Variants in MYL3 observed in about 807,000 individuals in gnomAD.
MYL3 encodes the protein CMLC1.
A neutral mutation model predicts 21.3 loss-of-function variants in MYL3; 11 were observed. That is an observed-to-expected ratio of 0.52 (90% CI 0.32 to 0.85). The LOEUF is 0.85. Among genes scored for constraint, MYL3 ranks in the 40% least tolerant of loss-of-function variants. MYL3 has a pLI of 0.03. For missense variants in MYL3, 206 were observed against 253.3 expected (o/e 0.81, Z 1.27); for synonymous variants, 88 against 91.6 (o/e 0.96, Z 0.22).
At chr3:46,877,018 C>G (rs927146073) in intron 1 of MYL3, among the ~76,000 whole-genome samples, 1 of 152,156 alleles carries the variant, frequency 6.6e-6, no homozygotes, top group Non-Finnish European at 1.5e-5. Flanking sequence ...CCACAGCCCC[C>G]TGCCTTTGAG....
rs1471975823 is a variant in MYL3, at chr3:46,882,101, C to G, written c.-245G>C. On this transcript the variant is annotated 5_prime_UTR_variant, in exon 1 of 4. Coordinates refer to the MYL3 transcript ENST00000431168. The surrounding 1 kb of genome is among the most constrained non-coding windows in gnomAD (Gnocchi z 4.3). The stretch of plus-strand genomic sequence containing the variant: ...CCCGCCGCCGTAAGACTCCGGGCCT[C>G]GGCCTCTAGCGCAATGTCCCGGGGC... The G allele has an allele frequency of 6.6e-6, 1 of 151,742 alleles. No homozygotes were observed. The highest frequency in any genetic ancestry group is 2.4e-5 in the African/African-American group (1 of 41,304). 9.4% of individuals were successfully genotyped at this position (151,742 alleles called of 1,614,324 possible).
upstream of MYL3, chr3:46,863,539 G>T: frequency 1.2e-6 from 1 of 839,388 alleles, no homozygotes; most frequent in Non-Finnish European, 1.8e-6. Context: ...GGCCATAAAA[G>T]GATATGGCTA....
At position 46,860,970 on chromosome 3, in the gene MYL3, C is replaced by T. The variant is rs1004231349; in HGVS notation, c.147G>A (p.Glu49=). Residue 49 remains glutamate (E), a synonymous_variant, in exon 2 of 7, where the codon GAG becomes GAA. Coordinates refer to ENST00000292327, the MANE Select transcript of MYL3 (RefSeq NM_000258.3). The surrounding 1 kb of genome is among the most constrained non-coding windows in gnomAD (Gnocchi z 4.6). The part of the protein sequence containing the change: ...ASKIKIEFTP[E]QIEEFKEAFM... ...AAGACCCCTGCTCACCTTCAATCTGCTCAGGTGTGAACTCAATCTGAAAAG... is the reference window on the plus strand; with the variant it reads ...AAGACCCCTGCTCACCTTCAATCTGTTCAGGTGTGAACTCAATCTGAAAAG... The T allele has an allele frequency of 6.2e-7, 1 of 1,614,086 alleles. No individual in the cohort carries two copies. Among genetic ancestry groups the T allele is most frequent in the Non-Finnish European group, 8.5e-7 (1 of 1,180,002 alleles).
rs1392927338 is a variant in MYL3, at chr3:46,882,160, C to G, written c.-304G>C. The G allele has an allele frequency of 6.6e-6, 1 of 151,132 alleles. No homozygotes were observed. Among genetic ancestry groups the G allele is most frequent in the Non-Finnish European group, 1.5e-5 (1 of 67,602 alleles). The allele number at this position is 151,132 out of a possible 1,614,324, so 9.4% of individuals were successfully genotyped here. On this transcript the variant is annotated 5_prime_UTR_variant, in exon 1 of 4. Transcript: ENST00000431168. This position sits in a 1 kb window ranked among gnomAD's most constrained non-coding sequence, Gnocchi z 4.3. ...GAAGGCTCCTCTCGGCCTCTCCACA[C>G]TCCCGCGTCGGCGGCTGCGGAGGGG...
rs1191018829 is a variant in MYL3, at chr3:46,874,711, G to T, written c.-218+7363C>A. On this transcript the variant is annotated intron_variant, in intron 1 of 3. Transcript: ENST00000431168. This position sits in a 1 kb window ranked among gnomAD's most constrained non-coding sequence, Gnocchi z 4.1. ...ACGTGTCAAACACGCCTGGGAGGGGGTATTCCGAGGCACAGACCCCCCCCC... is the reference window on the plus strand; with the variant it reads ...ACGTGTCAAACACGCCTGGGAGGGGTTATTCCGAGGCACAGACCCCCCCCC... Among the ~76,000 whole-genome samples, 1 of 152,114 alleles carries T rather than the reference G, an allele frequency of 6.6e-6. No homozygotes were observed. The highest frequency in any genetic ancestry group is 1.5e-5 in the Non-Finnish European group (1 of 68,028).
At chr3:46,872,087 G>A (rs2029952844) in intron 1 of MYL3, among the ~76,000 whole-genome samples, 1 of 152,204 alleles carries the variant, frequency 6.6e-6, no homozygotes, top group South Asian at 2.1e-4. Context: ...GGGCTCAGCA[G>A]GTGCACGGTC....
In MYL3 at chr3:46,879,243, C is replaced by T. The variant is rs1163298898; in HGVS notation, c.-218+2831G>A. 3.3e-5 allele frequency among the ~76,000 whole-genome samples: 5 copies of T among 152,186 alleles called. No individual in the cohort carries two copies. ...TCTCTGCAGCCCTCTCCACAGCCCACCCTCATCCTCCCAAGTACAAGTAGT... is the reference window on the plus strand; with the variant it reads ...TCTCTGCAGCCCTCTCCACAGCCCATCCTCATCCTCCCAAGTACAAGTAGT... On this transcript the variant is annotated intron_variant, in intron 1 of 3. Transcript: ENST00000431168. The surrounding 1 kb of genome is among the most constrained non-coding windows in gnomAD (Gnocchi z 4.7).
At chr3:46,873,102 A>G (rs1444644473) in intron 1 of MYL3, among the ~76,000 whole-genome samples, 1 of 152,208 alleles carries the variant, frequency 6.6e-6, no homozygotes, top group East Asian at 1.9e-4. Context: ...ATGCCGTGCT[A>G]AATTTTCTAG....
intron 1 of MYL3, among the ~76,000 whole-genome samples, chr3:46,870,503 C>A (rs1318850904): frequency 6.6e-6 from 1 of 152,050 alleles, no homozygotes. Context: ...GGGCTCTCCC[C>A]ACTCTGCCCC....
rs201092907 is a variant in MYL3 at position 46,858,236 on chromosome 3, C to T, written c.*8G>A. ...AGGAGGGAGTGGGTGCCTACCTGGG[C>T]ACGAGGTTTAGCTGGACATGATGTG... On this transcript the variant is annotated 3_prime_UTR_variant, in exon 6 of 7. Transcript: ENST00000292327. 3.8e-5 allele frequency: 62 copies of T among 1,614,102 alleles called. No individual in the cohort carries two copies. The highest frequency in any genetic ancestry group is 5.0e-5 in the Non-Finnish European group (59 of 1,180,014).
In MYL3 at chr3:46,859,578, G is replaced by A. The variant is rs766213238; in HGVS notation, c.378C>T (p.Asp126=). 2 of 1,614,224 alleles carry A rather than the reference G, an allele frequency of 1.2e-6. No homozygotes were observed. Among genetic ancestry groups the A allele is most frequent in the Non-Finnish European group, 1.7e-6 (2 of 1,180,040 alleles). ...CCACGAAGTCCTCATAGGTGCCTGT[G>A]TCCTTGTTCTTGGAAATGTGCTGGA... is the stretch of plus-strand genomic sequence containing the variant. ...PMLQHISKNK[D]TGTYEDFVEG... Residue 126 remains aspartate, a synonymous_variant, in exon 4 of 7, where the codon GAC becomes GAT. Coordinates refer to ENST00000292327, the MANE Select transcript of MYL3 (RefSeq NM_000258.3). The surrounding 1 kb of genome is among the most constrained non-coding windows in gnomAD (Gnocchi z 4.1).
chr3:46,872,698 G>A (rs73833662), intron 1 of MYL3, among the ~76,000 whole-genome samples: 226 of 152,372 alleles, frequency 1.5e-3, no homozygotes, highest in African/African-American at 5.2e-3. Context: ...GATGGGGGTC[G>A]AGGGTGGGTC....
Position 46,879,373 on chromosome 3 carries a change from C to T in MYL3, c.-218+2701G>A, listed in dbSNP as rs76344762. Among the ~76,000 whole-genome samples the T allele has an allele frequency of 1.5e-3, 226 of 152,320 alleles. 2 individuals are homozygous for T. The highest frequency in any genetic ancestry group is 5.2e-3 in the African/African-American group (217 of 41,582). On this transcript the variant is annotated intron_variant, in intron 1 of 3. Transcript: ENST00000431168. The surrounding 1 kb of genome is among the most constrained non-coding windows in gnomAD (Gnocchi z 4.7). ...TCCTTCCAATCCCTCCATTAATGTT[C>T]TTTTCTCATCACCAAGGGGGAAAGC... is the stretch of plus-strand genomic sequence containing the variant.
chr3:46,861,749 A>G lies in MYL3; in HGVS notation c.130-762T>C, dbSNP rs1447612778. Among the ~76,000 whole-genome samples the G allele has an allele frequency of 6.6e-6, 1 of 152,060 alleles. No individual in the cohort carries two copies. The highest frequency in any genetic ancestry group is 6.6e-5 in the Admixed American group (1 of 15,260). Reference sequence around the variant, plus strand: ...GATCCAGTGTCCCCCTCCTCACCGGATACCAGGTCTATTTTTATCACTGCA... The same window carrying G: ...GATCCAGTGTCCCCCTCCTCACCGGGTACCAGGTCTATTTTTATCACTGCA... On this transcript the variant is annotated intron_variant, in intron 1 of 6. Transcript: ENST00000292327. The surrounding 1 kb of genome is among the most constrained non-coding windows in gnomAD (Gnocchi z 4.2).
At chr3:46,868,243 C>T (rs1183731221), upstream of MYL3, among the ~76,000 whole-genome samples, 1 of 152,182 alleles carries the variant, frequency 6.6e-6, no homozygotes, top group African/African-American at 2.4e-5. Flanking sequence ...CCGGGCTGGT[C>T]CCTGCTCCTC....
At position 46,858,469 on chromosome 3, in the gene MYL3, G is replaced by A; in HGVS notation, c.482-8C>T. 1.2e-6 allele frequency: 2 copies of A among 1,612,194 alleles called. No individual in the cohort carries two copies. The highest frequency in any genetic ancestry group is 2.2e-5 in the East Asian group (1 of 44,880). On this transcript the variant is annotated splice_region_variant and splice_polypyrimidine_tract_variant and intron_variant, in intron 4 of 6. Coordinates refer to ENST00000292327, the MANE Select transcript of MYL3 (RefSeq NM_000258.3). ...CTTCTGTCAGCCTCTCACCTGGCAG[G>A]AGTGGGAGGCTGAGTCAGCACCGTG...
At chr3:46,875,616 T>C (rs759040015) in intron 1 of MYL3, among the ~76,000 whole-genome samples, 5 of 152,198 alleles carry the variant, frequency 3.3e-5, no homozygotes, top group Admixed American at 6.5e-5. Context: ...CCTCCCTGGA[T>C]TTCCCAACTG....
rs1334353161 is a variant in MYL3, at chr3:46,860,326, CTA to C, written c.307+348_307+349del. Among the ~76,000 whole-genome samples the C allele has an allele frequency of 6.6e-6, 1 of 152,096 alleles. No homozygotes were observed. The highest frequency in any genetic ancestry group is 1.5e-5 in the Non-Finnish European group (1 of 68,020). ...TAATTTTTGTAGAGATAGAATCTCA[CTA>C]TGTTACCCAGGCTGGTCTCACTCCT... On this transcript the variant is annotated intron_variant, in intron 3 of 6. Transcript: ENST00000292327. The surrounding 1 kb of genome is among the most constrained non-coding windows in gnomAD (Gnocchi z 4.6).
intron 1 of MYL3, among the ~76,000 whole-genome samples, chr3:46,872,820 A>G (rs1348292044): frequency 2.0e-5 from 3 of 152,258 alleles, no homozygotes; most frequent in Non-Finnish European, 4.4e-5. Context: ...TCCATCTCAT[A>G]ACGTTTCCTG....
Sources: allele counts gnomAD v4.1 joint callset (sites outside exome capture counted in the v4.1 genomes callset), GRCh38; gene constraint gnomAD v4.1.1; non-coding constraint Gnocchi (gnomAD v3.1); transcripts MANE v1.5; gene names NCBI Gene and HGNC (gene_info 2026-07-23, HGNC 2026-07-21).